The following YIPF2 variants were observed in gnomAD, a reference collection of about 807,000 sequenced individuals.
The protein encoded by YIPF2 is protein YIPF2.
In YIPF2, 30 loss-of-function variants were observed where a neutral mutation model predicts 38.8. The observed-to-expected ratio is 0.77, with a 90% CI of 0.58 to 1.05. The LOEUF (loss-of-function observed/expected upper bound fraction) is 1.05, where lower values mean the gene tolerates loss of function less well. YIPF2 is among the 50% of genes least tolerant of loss of function. The pLI is 0.00. For synonymous variants in YIPF2, 194 were observed against 183.8 expected (o/e 1.06, Z -0.45); for missense variants, 401 against 409.7 (o/e 0.98, Z 0.18).
At position 10,923,290 on chromosome 19, in the gene YIPF2, C is replaced by A; in HGVS notation, c.*1G>T. The A allele has an allele frequency of 1.2e-6, 2 of 1,607,630 alleles. No individual in the cohort carries two copies. Among genetic ancestry groups the A allele is most frequent in the Non-Finnish European group, 1.7e-6 (2 of 1,177,800 alleles). On this transcript the variant is annotated 3_prime_UTR_variant, in exon 9 of 10. Transcript: ENST00000586748. ...TCCTTACCTGTGGGACCCGGGCCTT[C>A]CTAGGAGGGGGCCAGGGACTGCGGC... is the stretch of plus-strand genomic sequence containing the variant.
chr19:10,923,700 T>TG, intron 7 of YIPF2, 23 bp from the exon 8 acceptor site: 1 of 1,591,810 alleles, frequency 6.3e-7, no homozygotes, highest in African/African-American at 1.3e-5. Flanking sequence ...CGGCGGCAGG[T>TG]GACCATGCCA....
chr19:10,927,601 C>G (rs2083446663), intron 4 of YIPF2, 29 bp downstream of exon 4: 2 of 1,610,396 alleles, frequency 1.2e-6, no homozygotes, highest in East Asian at 2.2e-5. Context: ...TAACTCTGAG[C>G]CCCATCCCAC....
At chr19:10,927,164 C>T (rs540228952) in intron 4 of YIPF2, among the ~76,000 whole-genome samples, 30 of 152,272 alleles carry the variant, frequency 2.0e-4, no homozygotes, top group Middle Eastern at 3.4e-3. Context: ...TGAGCCACCC[C>T]GCACCCGGCA....
Position 10,923,117 on chromosome 19 carries a change from C to A in YIPF2, c.*77G>T. ...AATCATCTCAAGGTGTCAAAGGAGC[C>A]TTCAGTCATCGTCTGGGGGGCAGGA... On this transcript the variant is annotated 3_prime_UTR_variant, in exon 10 of 10. Coordinates refer to ENST00000586748, the MANE Select transcript of YIPF2 (RefSeq NM_001321439.2). 1 of 584,222 alleles carries A rather than the reference C, an allele frequency of 1.7e-6. No homozygotes were observed. The highest frequency in any genetic ancestry group is 2.9e-6 in the Non-Finnish European group (1 of 342,204). 36.2% of individuals were successfully genotyped at this position (584,222 alleles called of 1,614,324 possible). A position where few individuals can be genotyped will look rare whatever the true frequency, so the allele number is the denominator to read the frequency against.
chr19:10,923,818 C>T lies in YIPF2; in HGVS notation c.651+15G>A. On this transcript the variant is annotated intron_variant, in intron 7 of 9. Transcript: ENST00000586748. ...CCACACAGCCACCACCCACTCCGCG[C>T]CAGGCCACACTCACCACCATGGGGA... The T allele has an allele frequency of 1.2e-6, 2 of 1,609,846 alleles. No individual in the cohort carries two copies. The highest frequency in any genetic ancestry group is 1.3e-5 in the African/African-American group (1 of 74,908).
chr19:10,923,210 CCT>C (rs763314802), intron 9 of YIPF2, 36 bp from the exon 10 acceptor site: 4 of 1,404,332 alleles, frequency 2.8e-6, no homozygotes, highest in Non-Finnish European at 3.9e-6. Flanking sequence ...GGCCCCAGAA[CCT>C]CTCGCCTTGA....
At chr19:10,926,191 G>T (rs187195650) in intron 4 of YIPF2, among the ~76,000 whole-genome samples, 1 of 151,236 alleles carries the variant, frequency 6.6e-6, no homozygotes, top group Non-Finnish European at 1.5e-5. Context: ...GATTACAGGC[G>T]TGAGCCACCG....
At position 10,923,176 on chromosome 19, in the gene YIPF2, T is replaced by C. The variant is rs2074290588; in HGVS notation, c.*20-2A>G. 1 of 1,130,942 alleles carries C rather than the reference T, an allele frequency of 8.8e-7. No individual in the cohort carries two copies. The highest frequency in any genetic ancestry group is 1.2e-6 in the Non-Finnish European group (1 of 803,874). 70.1% of individuals were successfully genotyped at this position (1,130,942 alleles called of 1,614,324 possible). The stretch of plus-strand genomic sequence containing the variant: ...GGGGTTGGTCCACTTAGGTGTTGCC[T>C]GAAAGAAAGAATTGTCTGGGAGTGG... On this transcript the variant is annotated splice_acceptor_variant, in intron 9 of 9. Coordinates refer to ENST00000586748, the MANE Select transcript of YIPF2 (RefSeq NM_001321439.2). LOFTEE classifies it low-confidence loss of function (3UTR_SPLICE).
chr19:10,926,901 T>A (rs570383125), intron 4 of YIPF2, among the ~76,000 whole-genome samples: 1 of 149,924 alleles, frequency 6.7e-6, no homozygotes, highest in African/African-American at 2.5e-5. Context: ...CAGAGTCTCA[T>A]TCTTTTTGCC....
chr19:10,924,369 C>A (rs2083385953), intron 5 of YIPF2, among the ~76,000 whole-genome samples, 177 bp from the exon 6 acceptor site: 2 of 152,258 alleles, frequency 1.3e-5, no homozygotes. Context: ...GTTCATCCCC[C>A]TCCCCGAAAC....
Position 10,923,134 on chromosome 19 carries a change from G to C in YIPF2, c.*60C>G. ...AAAGGAGCCTTCAGTCATCGTCTGG[G>C]GGGCAGGACAGGCAGAGGGGTTGGT... On this transcript the variant is annotated 3_prime_UTR_variant, in exon 10 of 10. Coordinates refer to ENST00000586748, the MANE Select transcript of YIPF2 (RefSeq NM_001321439.2). 1.6e-6 allele frequency: 1 copy of C among 642,516 alleles called. No individual in the cohort carries two copies. Among genetic ancestry groups the C allele is most frequent in the African/African-American group, 1.9e-5 (1 of 53,734 alleles). The allele number at this position is 642,516 out of a possible 1,614,324, so 39.8% of individuals were successfully genotyped here.
chr19:10,925,576 G>T, intron 5 of YIPF2, 110 bp downstream of exon 5: 3 of 1,307,074 alleles, frequency 2.3e-6, no homozygotes, highest in Non-Finnish European at 3.2e-6. Flanking sequence ...CAGCAGGTAA[G>T]TCACACTGTC....
chr19:10,924,458 T>C (rs2083387317), intron 5 of YIPF2, among the ~76,000 whole-genome samples: 1 of 152,036 alleles, frequency 6.6e-6, no homozygotes, highest in African/African-American at 2.4e-5. Context: ...CCTCTTTGAC[T>C]CTCTGACCCC....
intron 4 of YIPF2, 131 bp from the exon 5 acceptor site, chr19:10,925,904 T>G: frequency 5.2e-6 from 3 of 577,906 alleles, no homozygotes; most frequent in East Asian, 3.3e-5. Flanking sequence ...CCTTTCCCTC[T>G]CTTTTTTTTT....
Position 10,923,948 on chromosome 19 carries a change from GCCAGGGGCA to G in YIPF2, c.527_535del (p.Val176_Leu178del). ...GCGCCACCGCAGGAAGCCCCACAGG[GCCAGGGGCA>G]CCAGCCACGCATAGCAGTAGATGCT... On this transcript the variant is annotated inframe_deletion, in exon 7 of 10. Coordinates refer to ENST00000586748, the MANE Select transcript of YIPF2 (RefSeq NM_001321439.2). The G allele has an allele frequency of 6.2e-7, 1 of 1,613,382 alleles. No individual in the cohort carries two copies. Among genetic ancestry groups the G allele is most frequent in the Non-Finnish European group, 8.5e-7 (1 of 1,179,772 alleles).
rs1344888355 is a variant in YIPF2, at chr19:10,923,980, G to A, written c.504C>T (p.Ser168=). The change falls in exon 7 of 10, where the codon AGC becomes AGT. Residue 168 remains serine, a synonymous_variant. Coordinates refer to ENST00000586748, the MANE Select transcript of YIPF2 (RefSeq NM_001321439.2). ...GCACCAGCCACGCATAGCAGTAGATGCTGATGCCTGCCACGGTCACTGGGG... is the reference window on the plus strand; with the variant it reads ...GCACCAGCCACGCATAGCAGTAGATACTGATGCCTGCCACGGTCACTGGGG... ...QFHKVTVAGI[S]IYCYAWLVPL... is the part of the protein sequence containing the mutation. 8.7e-6 allele frequency: 14 copies of A among 1,613,202 alleles called. No individual in the cohort carries two copies. The highest frequency in any genetic ancestry group is 1.2e-5 in the Non-Finnish European group (14 of 1,179,634).
In YIPF2 at chr19:10,924,001, T is replaced by TG. The variant is rs200515734; in HGVS notation, c.485-3dup. 3,363 of 1,598,920 alleles carry TG rather than the reference T, an allele frequency of 2.1e-3. 9 individuals carry two copies. Among genetic ancestry groups the TG allele is most frequent in the Admixed American group, 3.5e-3 (204 of 58,900 alleles). On this transcript the variant is annotated splice_polypyrimidine_tract_variant and splice_region_variant and intron_variant, in intron 6 of 9. Coordinates refer to ENST00000586748, the MANE Select transcript of YIPF2 (RefSeq NM_001321439.2). ...AGATGCTGATGCCTGCCACGGTCAC[T>TG]GGGGGGGGCAAGGTGAGCAGTCACC... is the stretch of plus-strand genomic sequence containing the variant.
chr19:10,928,474 C>T (rs888430856), intron 1 of YIPF2, 34 bp from the exon 2 acceptor site: 4 of 1,358,528 alleles, frequency 2.9e-6, no homozygotes, highest in African/African-American at 3.1e-5. Flanking sequence ...ACACTTCCCC[C>T]CCGCCCCCGA....
chr19:10,922,570 C>G lies in YIPF2; in HGVS notation c.*624G>C, dbSNP rs568019879. 10 of 150,762 alleles carry G rather than the reference C, an allele frequency of 6.6e-5. No individual in the cohort carries two copies. Among genetic ancestry groups the G allele is most frequent in the Admixed American group, 2.7e-4 (4 of 14,820 alleles). 9.3% of individuals were successfully genotyped at this position (150,762 alleles called of 1,614,324 possible). On this transcript the variant is annotated 3_prime_UTR_variant, in exon 10 of 10. Coordinates refer to ENST00000586748, the MANE Select transcript of YIPF2 (RefSeq NM_001321439.2). ...GGGCAGACACAGACACCTCAAGGAT[C>G]TGTCACGGAAGGCGTCCTTTTTCCT...
Sources: gnomAD v4.1 joint callset for allele counts (sites outside exome capture counted in the v4.1 genomes callset) on GRCh38, gnomAD v4.1.1 for gene constraint, MANE v1.5 for transcripts, NCBI Gene and HGNC (gene_info 2026-07-23, HGNC 2026-07-21) for gene names.